Variants in MAML1 observed in about 807,000 individuals in gnomAD.
The protein encoded by MAML1 is mastermind like transcriptional coactivator 1, also known as mastermind-like protein 1.
Under a neutral mutation model 77.1 loss-of-function variants are expected in MAML1, and 14 were observed. That is an observed-to-expected ratio of 0.18 (90% CI 0.12 to 0.28). The LOEUF (loss-of-function observed/expected upper bound fraction) is 0.28. MAML1 is among the 10% of genes least tolerant of loss of function. The pLI is 1.00. For synonymous variants in MAML1, 516 were observed against 551.9 expected, an observed-to-expected ratio of 0.93 and a Z score of 0.91; for missense variants, 1,217 against 1,327.8, an observed-to-expected ratio of 0.92 and a Z score of 1.30.
chr5:179,765,251 C>T, intron 1 of MAML1, 75 bp from the exon 2 acceptor site: 3 of 1,287,698 alleles, frequency 2.3e-6, no homozygotes, highest in South Asian at 1.4e-5. Flanking sequence ...GCAGGGACAT[C>T]AGCCCTTGGC....
chr5:179,732,913 G>A lies in MAML1; in HGVS notation c.-200G>A. On this transcript the variant is annotated 5_prime_UTR_variant, in exon 1 of 5. Transcript: ENST00000292599. Reference sequence around the variant, plus strand: ...CGGTGGGGAGAGGCCGAGGCTTGAGGTAGGCAGCAAGCGCCGGCTGGGGGT... The same window carrying A: ...CGGTGGGGAGAGGCCGAGGCTTGAGATAGGCAGCAAGCGCCGGCTGGGGGT... 7.0e-6 allele frequency: 2 copies of A among 286,656 alleles called. No homozygotes were observed. The highest frequency in any genetic ancestry group is 1.3e-5 in the Non-Finnish European group (2 of 155,968). The allele number at this position is 286,656 out of a possible 1,614,324, so 17.8% of individuals were successfully genotyped here.
Position 179,752,325 on chromosome 5 carries a change from CAAA to C in MAML1, c.316-12977_316-12975del, listed in dbSNP as rs1177449054. Among the ~76,000 whole-genome samples, 4 of 53,660 alleles carry C rather than the reference CAAA, an allele frequency of 7.5e-5. No homozygotes were observed. In the Admixed American group the frequency reaches 9.5e-4, roughly 13 times the overall value. The allele number at this position is 53,660 out of a possible 152,430, so 35.2% of individuals were successfully genotyped here. A position where few individuals can be genotyped will look rare whatever the true frequency, so the allele number is the denominator to read the frequency against. On this transcript the variant is annotated intron_variant, in intron 1 of 4. Coordinates refer to ENST00000292599, the MANE Select transcript of MAML1 (RefSeq NM_014757.5). ...TGGCAACAGAGCTAGACTCTGTCTC[CAAA>C]AAAAAAAAAAAAAAAAAAAAAAATA...
At chr5:179,735,375 A>T (rs897909853) in intron 1 of MAML1, among the ~76,000 whole-genome samples, 1 of 151,996 alleles carries the variant, frequency 6.6e-6, no homozygotes, top group Admixed American at 6.6e-5. Context: ...CATATTATCT[A>T]TGCTATTTGT....
At chr5:179,764,528 C>T (rs1208120549) in intron 1 of MAML1, among the ~76,000 whole-genome samples, 1 of 152,050 alleles carries the variant, frequency 6.6e-6, no homozygotes, top group Non-Finnish European at 1.5e-5. Context: ...GGCATGGTGG[C>T]ACATGCCTGT....
Position 179,774,714 on chromosome 5 carries a change from T to G in MAML1, c.2888T>G (p.Val963Gly), listed in dbSNP as rs1295680437. ...CTGCACTGCACCCAGGCCTACCCTGTGCGGACCGCGGGCCAGGAGCTGCCT... is the reference window on the plus strand; with the variant it reads ...CTGCACTGCACCCAGGCCTACCCTGGGCGGACCGCGGGCCAGGAGCTGCCT... ...AGLHCTQAYP[V>G]RTAGQELPFA... The change falls in exon 5 of 5, where the codon GTG becomes GGG. Residue 963 changes from valine to glycine, a missense_variant. By Grantham distance (109) the Val-to-Gly change is moderately radical. Around this residue, in one of 3 missense-constraint regions of MAML1, gnomAD observed 884 missense variants for 949.3 expected, o/e 0.93. Transcript: ENST00000292599. The G allele has an allele frequency of 1.9e-6, 3 of 1,611,018 alleles. No individual in the cohort carries two copies. Among genetic ancestry groups the G allele is most frequent in the Non-Finnish European group, 2.5e-6 (3 of 1,179,990 alleles).
chr5:179,751,921 CTG>C lies in MAML1; in HGVS notation c.316-13404_316-13403del, dbSNP rs1779495940. Among the ~76,000 whole-genome samples the C allele has an allele frequency of 2.0e-5, 3 of 152,038 alleles. No individual in the cohort carries two copies. The South Asian group carries it at 6.2e-4, about 32-fold the overall frequency. ...AGGGAGGCTGAGGTGAGAGGATCAT[CTG>C]AGCCTGGGAGGTCAGGGCTGCAGTG... On this transcript the variant is annotated intron_variant, in intron 1 of 4. Transcript: ENST00000292599.
Position 179,769,182 on chromosome 5 carries a change from A to C in MAML1, c.1971+93A>C. On this transcript the variant is annotated intron_variant, in intron 3 of 4. Coordinates refer to ENST00000292599, the MANE Select transcript of MAML1 (RefSeq NM_014757.5). This position sits in a 1 kb window ranked among gnomAD's most constrained non-coding sequence, Gnocchi z 4.2. ...TCACACCTTCTGCTTGTGCGTGTGGATTTGCGCAGACTTGCGTGCCTGTTG... is the reference window on the plus strand; with the variant it reads ...TCACACCTTCTGCTTGTGCGTGTGGCTTTGCGCAGACTTGCGTGCCTGTTG... The C allele has an allele frequency of 6.5e-7, 1 of 1,537,950 alleles. No homozygotes were observed. The highest frequency in any genetic ancestry group is 8.8e-7 in the Non-Finnish European group (1 of 1,132,554).
intron 1 of MAML1, among the ~76,000 whole-genome samples, chr5:179,764,859 G>A (rs1779783932): frequency 1.3e-5 from 2 of 152,160 alleles, no homozygotes; most frequent in Admixed American, 1.3e-4. Context: ...AGCTACTTGG[G>A]AGGTTGAGGC....
At chr5:179,734,058 C>G (rs1005474160) in intron 1 of MAML1, among the ~76,000 whole-genome samples, 1 of 152,140 alleles carries the variant, frequency 6.6e-6, no homozygotes, top group Non-Finnish European at 1.5e-5. Flanking sequence ...TTTATCAGGC[C>G]TGTTTAAAAT....
intron 1 of MAML1, among the ~76,000 whole-genome samples, chr5:179,751,970 C>T (rs1171071020): frequency 6.6e-6 from 1 of 151,890 alleles, no homozygotes; most frequent in Non-Finnish European, 1.5e-5. Context: ...CACCACTGCA[C>T]TCCATCGTGG....
chr5:179,771,995 C>A lies in MAML1; in HGVS notation c.2068+752C>A, dbSNP rs1756004185. On this transcript the variant is annotated intron_variant, in intron 4 of 4. Coordinates refer to ENST00000292599, the MANE Select transcript of MAML1 (RefSeq NM_014757.5). This position sits in a 1 kb window ranked among gnomAD's most constrained non-coding sequence, Gnocchi z 4.7. ...CCTGGGGTCAACGTGGGGTTGAAAT[C>A]TGCAGGCATTTCAGAAGCATGGGTC... Among the ~76,000 whole-genome samples the A allele has an allele frequency of 6.6e-6, 1 of 152,232 alleles. No individual in the cohort carries two copies. Among genetic ancestry groups the A allele is most frequent in the Non-Finnish European group, 1.5e-5 (1 of 68,050 alleles).
chr5:179,742,726 A>C (rs1259184074), intron 1 of MAML1, among the ~76,000 whole-genome samples: 2 of 151,998 alleles, frequency 1.3e-5, no homozygotes, highest in Non-Finnish European at 2.9e-5. Flanking sequence ...AGGCAGGAGA[A>C]TCACTTGAAC....
chr5:179,741,107 C>T (rs1307705724), intron 1 of MAML1, among the ~76,000 whole-genome samples: 2 of 152,158 alleles, frequency 1.3e-5, no homozygotes, highest in Admixed American at 1.3e-4. Flanking sequence ...CCTACCAAAT[C>T]ATATGTTCCT....
chr5:179,753,184 AGTGTGTGTGTGTGTGTGTGTGTGT>A (rs59680995), intron 1 of MAML1, among the ~76,000 whole-genome samples: 1 of 120,510 alleles, frequency 8.3e-6, no homozygotes, highest in Admixed American at 8.5e-5. Context: ...GCTATTTTTT[AGTGTGTGTGTGTGTGTGTGTGTGT>A]GTGTGTGTGT....
At chr5:179,748,223 C>T (rs1458693111) in intron 1 of MAML1, among the ~76,000 whole-genome samples, 3 of 152,074 alleles carry the variant, frequency 2.0e-5, no homozygotes, top group Admixed American at 1.3e-4. Context: ...GCTGGGACTA[C>T]AGGTGCCTGC....
At chr5:179,763,544 T>A (rs1372133781) in intron 1 of MAML1, among the ~76,000 whole-genome samples, 1 of 152,090 alleles carries the variant, frequency 6.6e-6, no homozygotes, top group Non-Finnish European at 1.5e-5. Context: ...CACTGTGTAG[T>A]CAGCTTTAAC....
Position 179,775,627 on chromosome 5 carries a change from C to T in MAML1, c.*750C>T, listed in dbSNP as rs932310166. On this transcript the variant is annotated 3_prime_UTR_variant, in exon 5 of 5. Transcript: ENST00000292599. Reference sequence around the variant, plus strand: ...CAAGGCCCCCAGGAATCCCTTCCTCCCATGTCCTGGCAGCAGGACCCCAGG... The same window carrying T: ...CAAGGCCCCCAGGAATCCCTTCCTCTCATGTCCTGGCAGCAGGACCCCAGG... 84 of 985,374 alleles carry T rather than the reference C, an allele frequency of 8.5e-5. No individual in the cohort carries two copies. Among genetic ancestry groups the T allele is most frequent in the Non-Finnish European group, 9.4e-5 (78 of 829,964 alleles). 61.0% of individuals were successfully genotyped at this position (985,374 alleles called of 1,614,324 possible).
chr5:179,736,905 G>A (rs1287510190), intron 1 of MAML1, among the ~76,000 whole-genome samples: 1 of 151,434 alleles, frequency 6.6e-6, no homozygotes, highest in East Asian at 1.9e-4. Flanking sequence ...AGGTTACAGT[G>A]AGCTGAGATC....
chr5:179,768,597 C>T (rs1779864598), intron 2 of MAML1, among the ~76,000 whole-genome samples: 1 of 152,230 alleles, frequency 6.6e-6, no homozygotes, highest in Non-Finnish European at 1.5e-5. Context: ...AACGTAAAAC[C>T]ATACCTTTGT....
Sources: gnomAD v4.1 joint callset for allele counts (sites outside exome capture counted in the v4.1 genomes callset) on GRCh38, gnomAD v4.1.1 for gene constraint, gnomAD v4.1.1 regional missense constraint, Gnocchi (gnomAD v3.1) non-coding constraint, MANE v1.5 for transcripts, NCBI Gene and HGNC (gene_info 2026-07-23, HGNC 2026-07-21) for gene names.